Variants in POU2F2 observed in about 807,000 individuals in gnomAD.
POU2F2 encodes the protein POU class 2 homeobox 2, also known as POU domain, class 2, transcription factor 2.
In POU2F2, 14 loss-of-function variants were observed where a neutral mutation model predicts 63.5. The ratio of observed to expected loss-of-function variants is 0.22; its 90% confidence interval spans 0.15 to 0.34. POU2F2 has a LOEUF of 0.34. Among genes scored for constraint, POU2F2 ranks in the 10% least tolerant of loss-of-function variants. The pLI, the probability that POU2F2 is intolerant of heterozygous loss-of-function variation, is 1.00. For synonymous variants in POU2F2, 306 were observed against 348.6 expected (o/e 0.88, Z 1.36); for missense variants, 607 against 815.2 (o/e 0.74, Z 3.11).
chr19:42,134,805 C>G (rs2033965793), upstream of POU2F2, among the ~76,000 whole-genome samples: 1 of 152,138 alleles, frequency 6.6e-6, no homozygotes, highest in Non-Finnish European at 1.5e-5. Context: ...CACGCGGGCC[C>G]CATTGCTCCG....
Position 42,091,288 on chromosome 19 carries a change from C to T in POU2F2, c.1844G>A (p.Gly615Glu). The change falls in exon 15 of 15, where the codon GGG becomes GAG. Residue 615 changes from glycine (G) to glutamate (E), a missense_variant. Coordinates refer to ENST00000692977, the MANE Select transcript of POU2F2 (RefSeq NM_001394376.1). Reference sequence around the variant, plus strand: ...AGGTTTGGACCCTGCCTCGGGCCCCCCTGGACCTCCAGGGGTCTGTGCTGC... The same window carrying T: ...AGGTTTGGACCCTGCCTCGGGCCCCTCTGGACCTCCAGGGGTCTGTGCTGC... ...ETAAQTPGGP[G>E]GPEAGSKPE The T allele has an allele frequency of 6.5e-7, 1 of 1,533,602 alleles. No homozygotes were observed. 95.0% of individuals were successfully genotyped at this position (1,533,602 alleles called of 1,614,324 possible). A position where few individuals can be genotyped will look rare whatever the true frequency, so the allele number is the denominator to read the frequency against.
chr19:42,174,500 G>A (rs2034833766), intron 1 of POU2F2, among the ~76,000 whole-genome samples: 1 of 152,176 alleles, frequency 6.6e-6, no homozygotes, highest in Admixed American at 6.5e-5. Context: ...ACGAGGGAGA[G>A]ATCAGTACAA....
intron 5 of POU2F2, among the ~76,000 whole-genome samples, chr19:42,101,900 C>T (rs2077156312): frequency 6.6e-6 from 1 of 151,826 alleles, no homozygotes; most frequent in Admixed American, 6.6e-5. Context: ...TCGCTTGAAG[C>T]CGGGAGGCGG....
chr19:42,111,850 A>C (rs2031154054), intron 5 of POU2F2, among the ~76,000 whole-genome samples: 1 of 151,832 alleles, frequency 6.6e-6, no homozygotes, highest in Non-Finnish European at 1.5e-5. Flanking sequence ...TAGTACAGTC[A>C]CTCCACTAGG....
intron 2 of POU2F2, among the ~76,000 whole-genome samples, chr19:42,137,889 A>T (rs1218085556): frequency 6.6e-6 from 1 of 152,228 alleles, no homozygotes; most frequent in Non-Finnish European, 1.5e-5. Flanking sequence ...GCCCCATGGA[A>T]ACAAACAGTG....
chr19:42,158,450 T>A (rs945891030), intron 2 of POU2F2, among the ~76,000 whole-genome samples: 1 of 152,218 alleles, frequency 6.6e-6, no homozygotes, highest in African/African-American at 2.4e-5. Context: ...CAGGTTCAAA[T>A]TCTAACTCTA....
chr19:42,145,728 A>G (rs2034216928), intron 2 of POU2F2, among the ~76,000 whole-genome samples: 1 of 152,216 alleles, frequency 6.6e-6, no homozygotes. Flanking sequence ...TGAGGTCAGG[A>G]GTTCGAGACC....
Position 42,145,421 on chromosome 19 carries a change from A to G in POU2F2, c.-9+14911T>C, listed in dbSNP as rs559737758. Among the ~76,000 whole-genome samples the G allele has an allele frequency of 9.2e-5, 14 of 152,202 alleles. 1 individual carries two copies. The highest frequency in any genetic ancestry group is 3.4e-4 in the African/African-American group (14 of 41,460). On this transcript the variant is annotated intron_variant, in intron 2 of 6. Transcript: ENST00000524801. ...GCAGCATCCACAGAGGGCCCTGCCT[A>G]CAGAAGGTGCTCTACATTGATTCAG...
Position 42,095,508 on chromosome 19 carries a change from C to T in POU2F2, c.1020+37G>A, listed in dbSNP as rs980199736. 1 of 1,605,522 alleles carries T rather than the reference C, an allele frequency of 6.2e-7. No homozygotes were observed. Among genetic ancestry groups the T allele is most frequent in the Non-Finnish European group, 8.5e-7 (1 of 1,175,962 alleles). On this transcript the variant is annotated intron_variant, in intron 10 of 14. Coordinates refer to ENST00000692977, the MANE Select transcript of POU2F2 (RefSeq NM_001394376.1). The surrounding 1 kb of genome is among the most constrained non-coding windows in gnomAD (Gnocchi z 7.1). Reference sequence around the variant, plus strand: ...AGCCCGAGGCCCACCGCCCGCCACCCCTCAGGTGAGGGCCACCCAGGAGAG... The same window carrying T: ...AGCCCGAGGCCCACCGCCCGCCACCTCTCAGGTGAGGGCCACCCAGGAGAG...
At position 42,091,444 on chromosome 19, in the gene POU2F2, G is replaced by A. The variant is rs1412965011; in HGVS notation, c.1688C>T (p.Thr563Ile). ...TGAGACCAGGCCCACACCAGGCGGG[G>A]TGCTGAGCAGGGGCAGCCCAGCATG... ...LNHAGLPLLS[T>I]PPGVGLVSAA... The change falls in exon 15 of 15, where the codon ACC becomes ATC. Residue 563 changes from threonine (T) to isoleucine (I), a missense_variant. Around this residue, in one of 7 missense-constraint regions of POU2F2, gnomAD observed 270 missense variants for 307.5 expected, o/e 0.88. Transcript: ENST00000692977. The A allele has an allele frequency of 6.4e-7, 1 of 1,550,868 alleles. No homozygotes were observed. The highest frequency in any genetic ancestry group is 8.7e-7 in the Non-Finnish European group (1 of 1,146,922).
chr19:42,113,028 G>A (rs1233868592), intron 5 of POU2F2, among the ~76,000 whole-genome samples: 1 of 152,094 alleles, frequency 6.6e-6, no homozygotes, highest in East Asian at 1.9e-4. Context: ...ACAGATGTGG[G>A]TCCTGATTCC....
At chr19:42,191,297 T>G (rs1279253752) in intron 1 of POU2F2, among the ~76,000 whole-genome samples, 1 of 152,160 alleles carries the variant, frequency 6.6e-6, no homozygotes, top group Non-Finnish European at 1.5e-5. Context: ...TCTGGATACT[T>G]CTTCTCCAAC....
chr19:42,190,244 A>G (rs992117232), intron 1 of POU2F2, among the ~76,000 whole-genome samples: 7 of 152,132 alleles, frequency 4.6e-5, no homozygotes, highest in African/African-American at 1.4e-4. Context: ...GTGTGGCTAC[A>G]TGAAGGGTTG....
chr19:42,103,215 C>T (rs1385415210), intron 5 of POU2F2, among the ~76,000 whole-genome samples: 1 of 152,098 alleles, frequency 6.6e-6, no homozygotes, highest in Non-Finnish European at 1.5e-5. Flanking sequence ...CTTATCACCC[C>T]ATTTCATCTC....
intron 2 of POU2F2, among the ~76,000 whole-genome samples, chr19:42,159,809 G>A (rs543718818): frequency 2.6e-5 from 4 of 152,318 alleles, no homozygotes; most frequent in African/African-American, 9.6e-5. Context: ...CCACCTCCAT[G>A]TGGTAAATGC....
At chr19:42,109,476 G>T (rs2030716748) in intron 5 of POU2F2, among the ~76,000 whole-genome samples, 1 of 152,204 alleles carries the variant, frequency 6.6e-6, no homozygotes, top group African/African-American at 2.4e-5. Flanking sequence ...TATCGTGATA[G>T]ATTGTGTTCA....
At chr19:42,122,098 T>A in intron 4 of POU2F2, 28 bp downstream of exon 4, 1 of 1,596,354 alleles carries the variant, frequency 6.3e-7, no homozygotes, top group Non-Finnish European at 8.6e-7. Context: ...CGCTGCCCAC[T>A]TCCCTGGCTG....
At chr19:42,188,144 C>T (rs529435341) in intron 1 of POU2F2, among the ~76,000 whole-genome samples, 4 of 152,006 alleles carry the variant, frequency 2.6e-5, no homozygotes, top group Non-Finnish European at 4.4e-5. Flanking sequence ...GCAGGCAGAT[C>T]GCTTGAGCTC....
At chr19:42,167,331 G>A (rs1416970390) in intron 1 of POU2F2, among the ~76,000 whole-genome samples, 1 of 152,018 alleles carries the variant, frequency 6.6e-6, no homozygotes, top group African/African-American at 2.4e-5. Flanking sequence ...GCGTGCGCCT[G>A]TAGTCCCAGC....
Sources: gnomAD v4.1 joint callset for allele counts (sites outside exome capture counted in the v4.1 genomes callset) on GRCh38, gnomAD v4.1.1 for gene constraint, gnomAD v4.1.1 regional missense constraint, Gnocchi (gnomAD v3.1) non-coding constraint, MANE v1.5 for transcripts, NCBI Gene and HGNC (gene_info 2026-07-23, HGNC 2026-07-21) for gene names.